The following GRM7 variants were observed in gnomAD, a reference collection of about 807,000 sequenced individuals.
GRM7 encodes glutamate metabotropic receptor 7.
Under a neutral mutation model 84.5 loss-of-function variants are expected in GRM7, and 35 were observed. That is an observed-to-expected ratio of 0.41 (90% CI 0.32 to 0.55). The LOEUF is 0.55. Among genes scored for constraint, GRM7 ranks in the 20% least tolerant of loss-of-function variants. GRM7 has a pLI of 0.19. For missense variants in GRM7, 1,003 were observed against 1,194.6 expected, an observed-to-expected ratio of 0.84 and a Z score of 2.36; for synonymous variants, 487 against 455.1, an observed-to-expected ratio of 1.07 and a Z score of -0.89.
intron 1 of GRM7, among the ~76,000 whole-genome samples, chr3:7,075,112 T>G (rs1442795508): frequency 6.6e-6 from 1 of 152,178 alleles, no homozygotes; most frequent in Admixed American, 6.5e-5. Context: ...GTCAGGGGAT[T>G]TATGCAAAAA....
intron 1 of GRM7, among the ~76,000 whole-genome samples, chr3:7,072,670 G>C (rs1697925652): frequency 6.6e-6 from 1 of 152,000 alleles, no homozygotes; most frequent in Non-Finnish European, 1.5e-5. Flanking sequence ...CTGTGAGACA[G>C]ACTGAGACCC....
chr3:6,999,757 A>C (rs904809506), intron 1 of GRM7, among the ~76,000 whole-genome samples: 9 of 152,104 alleles, frequency 5.9e-5, no homozygotes, highest in Non-Finnish European at 1.3e-4. Context: ...AAACCACCAG[A>C]TCTCATGAGA....
At chr3:7,526,617 A>C (rs1348455978) in intron 7 of GRM7, among the ~76,000 whole-genome samples, 1 of 151,720 alleles carries the variant, frequency 6.6e-6, no homozygotes, top group Non-Finnish European at 1.5e-5. Context: ...TGTCCAGGAG[A>C]GTATTTCCTA....
At chr3:7,066,659 C>G (rs1697677720) in intron 1 of GRM7, among the ~76,000 whole-genome samples, 1 of 151,880 alleles carries the variant, frequency 6.6e-6, no homozygotes. Context: ...AGGAACTCTC[C>G]CTAATTCAGC....
At chr3:7,034,450 C>T (rs997871186) in intron 1 of GRM7, among the ~76,000 whole-genome samples, 11 of 152,092 alleles carry the variant, frequency 7.2e-5, no homozygotes, top group Middle Eastern at 3.2e-3. Context: ...TGATAACTCC[C>T]ACCAATAGAA....
At chr3:7,011,784 T>G (rs1305567397) in intron 1 of GRM7, among the ~76,000 whole-genome samples, 1 of 152,160 alleles carries the variant, frequency 6.6e-6, no homozygotes, top group Non-Finnish European at 1.5e-5. Flanking sequence ...TTTTTCAGTC[T>G]TGAAGGATTA....
chr3:6,989,055 G>A (rs1392665085), intron 1 of GRM7, among the ~76,000 whole-genome samples: 1 of 152,140 alleles, frequency 6.6e-6, no homozygotes, highest in African/African-American at 2.4e-5. Flanking sequence ...GCATAAAAAT[G>A]TGCCATCAAG....
At chr3:7,348,327 A>C (rs1692982452) in intron 4 of GRM7, among the ~76,000 whole-genome samples, 1 of 152,060 alleles carries the variant, frequency 6.6e-6, no homozygotes, top group African/African-American at 2.4e-5. Context: ...CAGCTCCAGC[A>C]TCCTAATTTC....
chr3:7,567,732 A>G (rs919406116), intron 7 of GRM7, among the ~76,000 whole-genome samples: 2 of 131,392 alleles, frequency 1.5e-5, no homozygotes, highest in African/African-American at 5.7e-5. Context: ...TGGGTGACAG[A>G]GTGAGACTCC....
chr3:7,590,842 T>C (rs555822335), intron 8 of GRM7, among the ~76,000 whole-genome samples: 86 of 152,278 alleles, frequency 5.6e-4, no homozygotes, highest in Non-Finnish European at 9.6e-4. Flanking sequence ...TATTCCTCAG[T>C]AACTTATGTC....
chr3:7,142,204 G>T (rs192829563), intron 1 of GRM7, among the ~76,000 whole-genome samples: 2 of 152,000 alleles, frequency 1.3e-5, no homozygotes, highest in East Asian at 3.9e-4. Flanking sequence ...GGAAGGAAGG[G>T]AAGGGGAGAC....
At chr3:7,469,395 G>C (rs1008779607) in intron 7 of GRM7, among the ~76,000 whole-genome samples, 17 of 152,110 alleles carry the variant, frequency 1.1e-4, no homozygotes, top group Admixed American at 2.6e-4. Flanking sequence ...AAATAGAAGA[G>C]TTAGTTTTTG....
intron 2 of GRM7, among the ~76,000 whole-genome samples, chr3:7,222,215 G>T (rs1006531702): frequency 3.3e-5 from 5 of 151,988 alleles, no homozygotes; most frequent in Non-Finnish European, 7.4e-5. Flanking sequence ...TTTTTGTCAG[G>T]TATGGTGGGC....
At chr3:6,883,852 G>C (rs1402475905) in intron 1 of GRM7, among the ~76,000 whole-genome samples, 1 of 152,164 alleles carries the variant, frequency 6.6e-6, no homozygotes, top group African/African-American at 2.4e-5. Context: ...TTGTCAAGTA[G>C]GGCAAGTAGA....
At chr3:6,959,480 A>G (rs1693208216) in intron 1 of GRM7, among the ~76,000 whole-genome samples, 1 of 152,146 alleles carries the variant, frequency 6.6e-6, no homozygotes, top group African/African-American at 2.4e-5. Flanking sequence ...GTTTTTCTAT[A>G]AATGCTTTCT....
At chr3:7,338,147 A>C in intron 4 of GRM7, among the ~76,000 whole-genome samples, 1 of 140,500 alleles carries the variant, frequency 7.1e-6, no homozygotes, top group African/African-American at 2.8e-5. Flanking sequence ...CACACACCCC[A>C]TGGAATACTA....
At chr3:7,006,082 C>A (rs1187505846) in intron 1 of GRM7, among the ~76,000 whole-genome samples, 1 of 152,154 alleles carries the variant, frequency 6.6e-6, no homozygotes, top group South Asian at 2.1e-4. Flanking sequence ...TACTTAACAA[C>A]CTTCCCCCCT....
chr3:7,564,842 G>C (rs950579844), intron 7 of GRM7, among the ~76,000 whole-genome samples: 2 of 152,114 alleles, frequency 1.3e-5, no homozygotes, highest in African/African-American at 4.8e-5. Flanking sequence ...AGGACAGCCT[G>C]ACTTCCTAAC....
chr3:7,610,189 G>A (rs761722665), intron 8 of GRM7, among the ~76,000 whole-genome samples: 4 of 152,168 alleles, frequency 2.6e-5, no homozygotes, highest in Non-Finnish European at 5.9e-5. Flanking sequence ...GTCTACAGCA[G>A]CATAGGACTT....
Sources: allele counts gnomAD v4.1 joint callset (sites outside exome capture counted in the v4.1 genomes callset), GRCh38; gene constraint gnomAD v4.1.1; transcripts MANE v1.5; gene names NCBI Gene and HGNC (gene_info 2026-07-23, HGNC 2026-07-21).